BCL2L1: variants seen among roughly 807,000 people sequenced by gnomAD.
The protein encoded by BCL2L1 is bcl-2-like protein 1.
In BCL2L1, 1 loss-of-function variant was observed where a neutral mutation model predicts 18.7. The ratio of observed to expected loss-of-function variants is 0.05; its 90% CI spans 0.02 to 0.25. BCL2L1 has a LOEUF of 0.25. Among genes scored for constraint, BCL2L1 ranks in the 10% least tolerant of loss-of-function variants. BCL2L1 has a pLI of 1.00. For synonymous variants in BCL2L1, 103 were observed against 122.7 expected (o/e 0.84, Z 1.06); for missense variants, 207 against 304.9 (o/e 0.68, Z 2.39).
chr20:31,719,826 C>T (rs974744584), intron 2 of BCL2L1, among the ~76,000 whole-genome samples: 4 of 152,174 alleles, frequency 2.6e-5, no homozygotes, highest in African/African-American at 9.7e-5. Context: ...GGCAACAACC[C>T]ACCTGGTATT....
At position 31,665,651 on chromosome 20, in the gene BCL2L1, G is replaced by A. The variant is rs1009721157; in HGVS notation, c.*298C>T. 2.2e-6 allele frequency: 1 copy of A among 459,010 alleles called. No individual in the cohort carries two copies. Among genetic ancestry groups the A allele is most frequent in the Non-Finnish European group, 3.9e-6 (1 of 254,668 alleles). The allele number at this position is 459,010 out of a possible 1,614,324, so 28.4% of individuals were successfully genotyped here. ...TAAGGGGTAAGGGTTGCACCAATCA[G>A]GTAGGGCCCTCCTGCCCCCAGCCAC... On this transcript the variant is annotated 3_prime_UTR_variant, in exon 3 of 3. Transcript: ENST00000307677.
intron 2 of BCL2L1, among the ~76,000 whole-genome samples, chr20:31,667,258 C>G (rs1032308880): frequency 1.3e-5 from 2 of 151,986 alleles, no homozygotes; most frequent in Non-Finnish European, 2.9e-5. Flanking sequence ...GTCAGGAGTT[C>G]GAGACCAGCC....
intron 2 of BCL2L1, among the ~76,000 whole-genome samples, chr20:31,719,806 G>T (rs1342464434): frequency 6.6e-6 from 1 of 152,170 alleles, no homozygotes; most frequent in Non-Finnish European, 1.5e-5. Context: ...ACTGCCTTTT[G>T]TTTATAGCTG....
At chr20:31,710,753 C>G (rs2061442422) in intron 2 of BCL2L1, among the ~76,000 whole-genome samples, 1 of 152,242 alleles carries the variant, frequency 6.6e-6, no homozygotes, top group South Asian at 2.1e-4. Flanking sequence ...CAGTTTGCCT[C>G]AAGCCATTCA....
chr20:31,704,136 C>T (rs993719054), intron 2 of BCL2L1, among the ~76,000 whole-genome samples: 3 of 139,304 alleles, frequency 2.2e-5, no homozygotes, highest in African/African-American at 8.0e-5. Flanking sequence ...CGGAGTCTCT[C>T]CCTGTCACCT....
chr20:31,720,769 TA>T, intron 2 of BCL2L1: 1 of 985,452 alleles, frequency 1.0e-6, no homozygotes, highest in Non-Finnish European at 1.2e-6. Flanking sequence ...CTGGAACTTA[TA>T]CCTGCATGTG....
intron 2 of BCL2L1, among the ~76,000 whole-genome samples, chr20:31,691,018 G>A (rs928137270): frequency 1.7e-4 from 25 of 150,808 alleles, no homozygotes; most frequent in African/African-American, 6.1e-4. Flanking sequence ...CAGGCATGGT[G>A]ACATATGCCT....
chr20:31,721,647 G>A lies in BCL2L1; in HGVS notation c.564+8C>T, dbSNP rs1452723738. 1 of 1,594,916 alleles carries A rather than the reference G, an allele frequency of 6.3e-7. No individual in the cohort carries two copies. Among genetic ancestry groups the A allele is most frequent in the Admixed American group, 1.7e-5 (1 of 58,170 alleles). ...AGAAAAGGGACACACAAGGGGCTTG[G>A]TTCTTACCCAGCCGCCGTTCTCCTG... On this transcript the variant is annotated splice_region_variant and intron_variant, in intron 2 of 2. Transcript: ENST00000307677.
chr20:31,704,732 C>T (rs1361573495), intron 2 of BCL2L1, among the ~76,000 whole-genome samples: 2 of 152,162 alleles, frequency 1.3e-5, no homozygotes, highest in East Asian at 3.9e-4. Context: ...ACACAGTGCT[C>T]TCTGGAATGC....
intron 2 of BCL2L1, among the ~76,000 whole-genome samples, chr20:31,717,608 A>T (rs2061557680): frequency 6.6e-6 from 1 of 152,222 alleles, no homozygotes; most frequent in African/African-American, 2.4e-5. Context: ...AAAAATTTCC[A>T]CATTTGGGGT....
At chr20:31,712,481 T>TA (rs1386673297) in intron 2 of BCL2L1, among the ~76,000 whole-genome samples, 1 of 152,212 alleles carries the variant, frequency 6.6e-6, no homozygotes, top group Non-Finnish European at 1.5e-5. Context: ...TAGATACTAT[T>TA]AATAGTAATG....
intron 2 of BCL2L1, among the ~76,000 whole-genome samples, chr20:31,669,730 C>G (rs896840966): frequency 6.6e-6 from 1 of 152,016 alleles, no homozygotes; most frequent in African/African-American, 2.4e-5. Context: ...GAGCCACTGC[C>G]CTCGGCCTAT....
chr20:31,722,977 G>A (rs555132725), upstream of BCL2L1: 1 of 152,492 alleles, frequency 6.6e-6, no homozygotes, highest in African/African-American at 2.4e-5. Flanking sequence ...GTACTCTCCC[G>A]GAGGTGGCTG....
At chr20:31,676,509 G>A (rs766486908) in intron 2 of BCL2L1, among the ~76,000 whole-genome samples, 12 of 152,158 alleles carry the variant, frequency 7.9e-5, no homozygotes, top group African/African-American at 2.2e-4. Flanking sequence ...GATGCCTCCC[G>A]TCATCTCAAC....
chr20:31,719,858 T>C (rs1218020705), intron 2 of BCL2L1, among the ~76,000 whole-genome samples: 1 of 152,156 alleles, frequency 6.6e-6, no homozygotes, highest in African/African-American at 2.4e-5. Flanking sequence ...CCAAAGACAA[T>C]AGTCAGGCAA....
chr20:31,723,392 T>G (rs527318374), upstream of BCL2L1: 261 of 985,456 alleles, frequency 2.6e-4, no homozygotes, highest in Middle Eastern at 5.7e-3. Flanking sequence ...GCCCCACAGC[T>G]GAGACCACGT....
chr20:31,688,898 T>C (rs1322864477), intron 2 of BCL2L1, among the ~76,000 whole-genome samples: 1 of 152,134 alleles, frequency 6.6e-6, no homozygotes, highest in Non-Finnish European at 1.5e-5. Flanking sequence ...ACTTTGATAT[T>C]TGCATCCTAT....
intron 2 of BCL2L1, among the ~76,000 whole-genome samples, chr20:31,672,274 G>A (rs1286649830): frequency 6.6e-6 from 1 of 151,980 alleles, no homozygotes; most frequent in Non-Finnish European, 1.5e-5. Flanking sequence ...AGACCAGCCT[G>A]ACCAACATGG....
At chr20:31,708,657 G>A (rs1474618212) in intron 2 of BCL2L1, among the ~76,000 whole-genome samples, 4 of 152,012 alleles carry the variant, frequency 2.6e-5, no homozygotes, top group African/African-American at 7.2e-5. Flanking sequence ...CCAATGCCCC[G>A]CCCTGCCTTC....
Sources: gnomAD v4.1 joint callset for allele counts (sites outside exome capture counted in the v4.1 genomes callset) on GRCh38, gnomAD v4.1.1 for gene constraint, MANE v1.5 for transcripts, NCBI Gene and HGNC (gene_info 2026-07-23, HGNC 2026-07-21) for gene names.